Variants in TTC13 observed in about 807,000 individuals in gnomAD.
The protein encoded by TTC13 is tetratricopeptide repeat protein 13.
In TTC13, 62 loss-of-function variants were observed where a neutral mutation model predicts 120.0. That is an observed-to-expected ratio of 0.52 (90% CI 0.42 to 0.64). The LOEUF (loss-of-function observed/expected upper bound fraction) is 0.64. Ranked by LOEUF, TTC13 falls within the 30% of genes least tolerant of loss-of-function variation. The pLI is 0.00. For synonymous variants in TTC13, 384 were observed against 393.5 expected (o/e 0.98, Z 0.28); for missense variants, 824 against 1,050.2 (o/e 0.78, Z 2.98).
chr1:230,915,777 TTCTCTCTC>T (rs146519721), intron 18 of TTC13, among the ~76,000 whole-genome samples: 8 of 150,676 alleles, frequency 5.3e-5, no homozygotes, highest in African/African-American at 7.3e-5. Flanking sequence ...TAAAGCTGTT[TTCTCTCTC>T]TCTCTCTCTC....
intron 2 of TTC13, among the ~76,000 whole-genome samples, chr1:230,959,807 C>T (rs1034887679): frequency 1.3e-5 from 2 of 152,248 alleles, no homozygotes; most frequent in Non-Finnish European, 2.9e-5. Context: ...CTCAACATCA[C>T]TAGTAGACTA....
chr1:230,935,489 G>C (rs564691200), intron 8 of TTC13, among the ~76,000 whole-genome samples: 1 of 152,146 alleles, frequency 6.6e-6, no homozygotes, highest in Admixed American at 6.5e-5. Context: ...AAAGAAATTT[G>C]GTAAAGAAAG....
chr1:230,978,796 AAGCAGCAGC>A lies in TTC13; in HGVS notation c.26_34del (p.Cys9_Cys11del). On this transcript the variant is annotated inframe_deletion, in exon 1 of 23. Coordinates refer to ENST00000366661, the MANE Select transcript of TTC13 (RefSeq NM_024525.5). This position sits in a 1 kb window ranked among gnomAD's most constrained non-coding sequence, Gnocchi z 5.6. ...CGCGGCGGCCACAGCGCCGCCCCAG[AAGCAGCAGC>A]AGCAGCAGCAGCCGGCAGGTGCCAT... is the stretch of plus-strand genomic sequence containing the variant. 2 of 1,495,984 alleles carry A rather than the reference AAGCAGCAGC, an allele frequency of 1.3e-6. No homozygotes were observed. Among genetic ancestry groups the A allele is most frequent in the Admixed American group, 2.3e-5 (1 of 44,388 alleles). The allele number at this position is 1,495,984 out of a possible 1,614,324, so 92.7% of individuals were successfully genotyped here.
chr1:230,970,068 A>T (rs1572299845), intron 1 of TTC13, among the ~76,000 whole-genome samples: 1 of 152,370 alleles, frequency 6.6e-6, no homozygotes, highest in Middle Eastern at 3.4e-3. Context: ...AACATGTTTA[A>T]GGTCACAAAA....
chr1:230,941,553 T>C (rs1674535006), intron 6 of TTC13, among the ~76,000 whole-genome samples: 1 of 152,204 alleles, frequency 6.6e-6, no homozygotes, highest in Non-Finnish European at 1.5e-5. Context: ...TCCTCCTGTG[T>C]TGGCCTCCCA....
chr1:230,912,128 G>A (rs1433429879), intron 19 of TTC13, among the ~76,000 whole-genome samples: 1 of 152,128 alleles, frequency 6.6e-6, no homozygotes, highest in Non-Finnish European at 1.5e-5. Flanking sequence ...TGCCTGTAAC[G>A]ACTCCACCTC....
Position 230,908,998 on chromosome 1 carries a change from C to T in TTC13, c.2332G>A (p.Val778Met), listed in dbSNP as rs755549765. 8.4e-5 allele frequency: 136 copies of T among 1,614,006 alleles called. No individual in the cohort carries two copies. The highest frequency in any genetic ancestry group is 1.4e-4 in the South Asian group (13 of 91,082). Residue 778 changes from valine to methionine, a missense_variant, in exon 21 of 23, where the codon GTG becomes ATG. By Grantham distance (21) the Val-to-Met change is conservative. Transcript: ENST00000366661. Reference protein sequence around the residue: ...GSSVIAYSVIVGALMASGKEV... With the variant: ...GSSVIAYSVIMGALMASGKEV... The stretch of plus-strand genomic sequence containing the variant: ...TTTCCACTTGCCATCAGTGCTCCCA[C>T]GATGACCGAGTAAGCAATTACACTA...
rs1440201002 is a variant in TTC13 at position 230,906,959 on chromosome 1, C to T, written c.2529G>A (p.Ser843=). 1.9e-5 allele frequency: 29 copies of T among 1,542,744 alleles called. No homozygotes were observed. Among genetic ancestry groups the T allele is most frequent in the Non-Finnish European group, 2.4e-5 (28 of 1,153,050 alleles). The part of the protein sequence containing the change: ...SVSETFPTLR[S]MIEVLNTDSS... Reference sequence around the variant, plus strand: ...AGTCTGTGTTTAGCACCTCAATCATCGATCTTAACGTTGGAAACGTTTCTG... The same window carrying T: ...AGTCTGTGTTTAGCACCTCAATCATTGATCTTAACGTTGGAAACGTTTCTG... Residue 843 remains serine (S), a synonymous_variant, in exon 23 of 23, where the codon TCG becomes TCA. Coordinates refer to ENST00000366661, the MANE Select transcript of TTC13 (RefSeq NM_024525.5).
At chr1:230,931,598 G>C (rs959064020) in intron 10 of TTC13, 126 bp from the exon 11 acceptor site, 3 of 1,454,246 alleles carry the variant, frequency 2.1e-6, no homozygotes, top group Non-Finnish European at 2.8e-6. Flanking sequence ...TACAGGACAA[G>C]AGCAATGATT....
Position 230,912,618 on chromosome 1 carries a change from C to A in TTC13, c.2229+5G>T, listed in dbSNP as rs775811869. On this transcript the variant is annotated splice_donor_5th_base_variant and intron_variant, in intron 19 of 22. Transcript: ENST00000366661. ...GCAGAAAAATGGAAACAAAGAGAAA[C>A]CTACCCCAAATTCTGATGAAAGAAT... 3.7e-6 allele frequency: 6 copies of A among 1,608,298 alleles called. No individual in the cohort carries two copies. Among genetic ancestry groups the A allele is most frequent in the Non-Finnish European group, 4.2e-6 (5 of 1,178,894 alleles).
chr1:230,907,792 G>A (rs527400571), intron 22 of TTC13, among the ~76,000 whole-genome samples: 86 of 152,290 alleles, frequency 5.6e-4, no homozygotes, highest in Non-Finnish European at 1.1e-3. Flanking sequence ...GGGGTGGTTG[G>A]GATGTAAAAA....
chr1:230,933,899 A>C (rs369481946), intron 8 of TTC13, 38 bp from the exon 9 acceptor site: 10 of 1,297,260 alleles, frequency 7.7e-6, no homozygotes, highest in Non-Finnish European at 1.1e-5. Flanking sequence ...CATTTGCATA[A>C]TTGTTAAAAT....
intron 3 of TTC13, chr1:230,956,461 T>C: frequency 3.8e-6 from 1 of 263,394 alleles, no homozygotes; most frequent in South Asian, 3.3e-5. Flanking sequence ...TTCTCATAAC[T>C]GTCTGGTCTT....
chr1:230,909,118 A>C (rs1305760521), intron 20 of TTC13, 98 bp from the exon 21 acceptor site: 5 of 1,017,520 alleles, frequency 4.9e-6, no homozygotes, highest in Non-Finnish European at 7.4e-6. Context: ...GATAAAATTT[A>C]TTCAAAAATT....
At chr1:230,971,071 C>T (rs999864880) in intron 1 of TTC13, among the ~76,000 whole-genome samples, 6 of 152,022 alleles carry the variant, frequency 3.9e-5, no homozygotes, top group African/African-American at 9.7e-5. Flanking sequence ...GGTGGCCAGG[C>T]GCGGTGGCTC....
At chr1:230,972,838 T>G (rs1008361468) in intron 1 of TTC13, among the ~76,000 whole-genome samples, 4 of 152,346 alleles carry the variant, frequency 2.6e-5, no homozygotes, top group African/African-American at 9.6e-5. Context: ...TCATAGGGCT[T>G]ATGCTATAAA....
chr1:230,955,971 T>G (rs1056904471), intron 3 of TTC13, among the ~76,000 whole-genome samples: 2 of 152,150 alleles, frequency 1.3e-5, no homozygotes, highest in Admixed American at 6.5e-5. Context: ...GGCAGTAATA[T>G]TAGTAGTAAA....
At chr1:230,967,288 G>A (rs147486438) in intron 1 of TTC13, among the ~76,000 whole-genome samples, 12 of 152,070 alleles carry the variant, frequency 7.9e-5, no homozygotes, top group Non-Finnish European at 1.5e-4. Flanking sequence ...ATCAACTTTT[G>A]ATGATAAAAC....
At chr1:230,910,842 A>C (rs1043239555) in intron 20 of TTC13, among the ~76,000 whole-genome samples, 2 of 152,276 alleles carry the variant, frequency 1.3e-5, no homozygotes, top group African/African-American at 4.8e-5. Context: ...AATCAAAGAT[A>C]AAGACATTCA....
Sources: gnomAD v4.1 joint callset for allele counts (sites outside exome capture counted in the v4.1 genomes callset) on GRCh38, gnomAD v4.1.1 for gene constraint, Gnocchi (gnomAD v3.1) non-coding constraint, MANE v1.5 for transcripts, NCBI Gene and HGNC (gene_info 2026-07-23, HGNC 2026-07-21) for gene names.